The following CTNNA3 variants were observed in gnomAD, a reference collection of about 807,000 sequenced individuals.
CTNNA3 encodes catenin alpha-3.
In CTNNA3, 76 loss-of-function variants were observed where a neutral mutation model predicts 95.7. That is an observed-to-expected ratio of 0.79 (90% confidence interval 0.66 to 0.96). The LOEUF is 0.96. Ranked by LOEUF, CTNNA3 falls within the 40% of genes least tolerant of loss-of-function variation. The probability of loss-of-function intolerance (pLI) is 0.00; values close to 1 mark genes in which losing one functional copy is unlikely to be tolerated. For missense variants in CTNNA3, 1,191 were observed against 1,089.8 expected, an observed-to-expected ratio of 1.09 and a Z score of -1.31; for synonymous variants, 431 against 374.4, an observed-to-expected ratio of 1.15 and a Z score of -1.74.
At chr10:66,850,051 A>G (rs12356847) in intron 7 of CTNNA3, among the ~76,000 whole-genome samples, 55,083 of 151,950 alleles carry the variant, frequency 0.36, 10,873 homozygotes, top group Non-Finnish European at 0.46. Flanking sequence ...TTTACACATG[A>G]TCCGCATTCC....
intron 13 of CTNNA3, among the ~76,000 whole-genome samples, chr10:66,162,533 T>C (rs1170445731): frequency 6.6e-6 from 1 of 152,118 alleles, no homozygotes; most frequent in African/African-American, 2.4e-5. Context: ...CTGCAGGTTG[T>C]CTGTACAGAG....
At chr10:66,674,998 T>C (rs7894958) in intron 9 of CTNNA3, among the ~76,000 whole-genome samples, 84,079 of 151,874 alleles carry the variant, frequency 0.55, 24,011 homozygotes, top group African/African-American at 0.68. Context: ...ATATTTCAGC[T>C]ATCTTCTCTC....
intron 7 of CTNNA3, among the ~76,000 whole-genome samples, chr10:66,956,740 T>C (rs1299342442): frequency 2.0e-5 from 3 of 152,186 alleles, no homozygotes; most frequent in African/African-American, 7.2e-5. Flanking sequence ...TCCAAAGTGG[T>C]TGCTTAACTG....
At chr10:66,758,980 T>A (rs1365288905) in intron 9 of CTNNA3, among the ~76,000 whole-genome samples, 1 of 152,142 alleles carries the variant, frequency 6.6e-6, no homozygotes, top group East Asian at 1.9e-4. Flanking sequence ...TTTGGGTACA[T>A]AATTTTAGCA....
At chr10:66,646,727 C>T (rs1341010545) in intron 9 of CTNNA3, among the ~76,000 whole-genome samples, 1 of 152,106 alleles carries the variant, frequency 6.6e-6, no homozygotes, top group Non-Finnish European at 1.5e-5. Flanking sequence ...ACTGGGATTC[C>T]CATCAACATA....
At chr10:66,646,799 T>C (rs1417437680) in intron 9 of CTNNA3, among the ~76,000 whole-genome samples, 2 of 152,140 alleles carry the variant, frequency 1.3e-5, no homozygotes, top group African/African-American at 4.8e-5. Flanking sequence ...GCTCTTCTAA[T>C]CCTGTGCTAA....
At chr10:66,555,599 G>A (rs1277434810) in intron 10 of CTNNA3, among the ~76,000 whole-genome samples, 7 of 152,018 alleles carry the variant, frequency 4.6e-5, no homozygotes, top group African/African-American at 7.2e-5. Flanking sequence ...GCCCAGGCCC[G>A]CTTCACTGTT....
intron 17 of CTNNA3, among the ~76,000 whole-genome samples, chr10:65,930,718 T>C (rs1258969671): frequency 1.3e-5 from 2 of 152,158 alleles, no homozygotes; most frequent in Non-Finnish European, 2.9e-5. Flanking sequence ...AAAATCAACA[T>C]TTTGTATAAA....
At chr10:66,364,094 A>T (rs2092695073) in intron 12 of CTNNA3, among the ~76,000 whole-genome samples, 1 of 151,886 alleles carries the variant, frequency 6.6e-6, no homozygotes, top group Non-Finnish European at 1.5e-5. Context: ...CTACTAAACC[A>T]CAATAAACTA....
At chr10:67,475,437 A>C (rs1847974727) in intron 5 of CTNNA3, among the ~76,000 whole-genome samples, 1 of 152,222 alleles carries the variant, frequency 6.6e-6, no homozygotes, top group Admixed American at 6.5e-5. Flanking sequence ...AAAATCTGTC[A>C]TAAAAAAATT....
chr10:67,607,079 T>C (rs750727828), intron 2 of CTNNA3, 30 bp from the exon 3 acceptor site: 29 of 1,524,778 alleles, frequency 1.9e-5, no homozygotes, highest in Non-Finnish European at 2.1e-5. Flanking sequence ...AAGTACTAAA[T>C]TGACAAATTG....
intron 9 of CTNNA3, among the ~76,000 whole-genome samples, chr10:66,650,893 C>G (rs1442180442): frequency 1.3e-5 from 2 of 152,182 alleles, no homozygotes; most frequent in Non-Finnish European, 2.9e-5. Context: ...CCACAAAGAA[C>G]AAGGCTTCCA....
chr10:66,945,675 T>G (rs966792663), intron 7 of CTNNA3, among the ~76,000 whole-genome samples: 1 of 152,196 alleles, frequency 6.6e-6, no homozygotes, highest in African/African-American at 2.4e-5. Flanking sequence ...TTCAACCTAT[T>G]TCAGCTTTCA....
chr10:66,652,667 C>T (rs1485696487), intron 9 of CTNNA3, among the ~76,000 whole-genome samples: 1 of 152,112 alleles, frequency 6.6e-6, no homozygotes, highest in Admixed American at 6.6e-5. Flanking sequence ...CATACCAAAT[C>T]CATAAAAGGA....
chr10:67,457,865 C>T (rs1011257519), intron 5 of CTNNA3, among the ~76,000 whole-genome samples: 27 of 152,080 alleles, frequency 1.8e-4, no homozygotes, highest in African/African-American at 6.5e-4. Context: ...GTGATTACAC[C>T]GGACCCACCC....
chr10:66,788,512 A>G (rs1220315823), intron 7 of CTNNA3, among the ~76,000 whole-genome samples: 1 of 152,124 alleles, frequency 6.6e-6, no homozygotes, highest in Non-Finnish European at 1.5e-5. Flanking sequence ...AAATGAAACT[A>G]TTTGTTGCCT....
intron 2 of CTNNA3, 43 bp downstream of exon 2, chr10:67,647,372 C>T: frequency 7.4e-7 from 1 of 1,351,798 alleles, no homozygotes; most frequent in Non-Finnish European, 1.0e-6. Flanking sequence ...ATTTTTCATT[C>T]TTCTGCAGTT....
At chr10:66,231,664 G>T (rs982914371) in intron 13 of CTNNA3, among the ~76,000 whole-genome samples, 18 of 152,118 alleles carry the variant, frequency 1.2e-4, no homozygotes, top group Non-Finnish European at 2.2e-4. Context: ...AAATATCTGG[G>T]AATGGGTATA....
intron 11 of CTNNA3, among the ~76,000 whole-genome samples, chr10:66,393,089 G>C (rs1255570451): frequency 6.6e-6 from 1 of 152,028 alleles, no homozygotes; most frequent in Admixed American, 6.6e-5. Flanking sequence ...GCCAAGAAAA[G>C]ACATGCAGGA....
Sources: gnomAD v4.1 joint callset for allele counts (sites outside exome capture counted in the v4.1 genomes callset) on GRCh38, gnomAD v4.1.1 for gene constraint, MANE v1.5 for transcripts, NCBI Gene and HGNC (gene_info 2026-07-23, HGNC 2026-07-21) for gene names.